The following RHPN2 variants were observed in gnomAD, a reference collection of about 807,000 sequenced individuals.
RHPN2 encodes the protein rhophilin-2.
RHPN2 carries 40 observed loss-of-function variants against 79.0 expected under a neutral mutation model. That is an observed-to-expected ratio of 0.51 (90% confidence interval 0.39 to 0.66). The LOEUF (loss-of-function observed/expected upper bound fraction) is 0.66. RHPN2 is among the 30% of genes least tolerant of loss of function. The pLI is 0.00. For missense variants in RHPN2, 686 were observed against 883.5 expected (o/e 0.78, Z 2.83); for synonymous variants, 285 against 363.5 (o/e 0.78, Z 2.46).
chr19:32,992,194 TATTA>T (rs1242165539), intron 12 of RHPN2: 2 of 566,586 alleles, frequency 3.5e-6, no homozygotes, highest in Admixed American at 3.1e-5. Context: ...TTAGGCATTG[TATTA>T]ATTATCTTTT....
Position 32,996,082 on chromosome 19 carries a change from G to A in RHPN2, c.1364C>T (p.Ala455Val), listed in dbSNP as rs756889007. 1 of 1,613,984 alleles carries A rather than the reference G, an allele frequency of 6.2e-7. No homozygotes were observed. Among genetic ancestry groups the A allele is most frequent in the South Asian group, 1.1e-5 (1 of 91,074 alleles). The change falls in exon 11 of 15, where the codon GCC becomes GTC. Residue 455 changes from alanine to valine, a missense_variant. Ala to Val is a moderately conservative substitution (Grantham distance 64, BLOSUM62 0). Coordinates refer to ENST00000254260, the MANE Select transcript of RHPN2 (RefSeq NM_033103.5). ...AAQERSRLTY[A>V]QHQEEDDLLN... Reference sequence around the variant, plus strand: ...CAGGTCATCCTCCTCCTGGTGCTGGGCGTACGTGAGCCGGGAGCGTTCCTG... The same window carrying A: ...CAGGTCATCCTCCTCCTGGTGCTGGACGTACGTGAGCCGGGAGCGTTCCTG...
intron 4 of RHPN2, among the ~76,000 whole-genome samples, chr19:33,017,858 T>C (rs540943767): frequency 1.3e-5 from 2 of 151,860 alleles, no homozygotes; most frequent in African/African-American, 4.8e-5. Flanking sequence ...CTGTCTCTAC[T>C]AAAAATACAA....
chr19:33,031,250 A>ATTCTG, intron 2 of RHPN2, among the ~76,000 whole-genome samples: 1 of 150,798 alleles, frequency 6.6e-6, no homozygotes, highest in African/African-American at 2.4e-5. Context: ...ATTCTATTCT[A>ATTCTG]TTCTACTCTA....
chr19:33,008,077 G>A lies in RHPN2; in HGVS notation c.697C>T (p.Arg233Trp), dbSNP rs557723953. 1.2e-5 allele frequency: 19 copies of A among 1,613,638 alleles called. No homozygotes were observed. Among genetic ancestry groups the A allele is most frequent in the East Asian group, 1.1e-4 (5 of 44,846 alleles). ...TGALYTQIGT[R>W]CDRQTQAGLE... is the part of the protein sequence containing the mutation. ...CCAGCCTGCGTCTGCCGATCACACC[G>A]GGTCCCAATCTGGGTGTAGAGGGCC... The change falls in exon 7 of 15, where the codon CGG becomes TGG. Residue 233 changes from arginine (R) to tryptophan (W), a missense_variant. Arg to Trp is a moderately radical substitution (Grantham distance 101). Coordinates refer to ENST00000254260, the MANE Select transcript of RHPN2 (RefSeq NM_033103.5).
chr19:33,055,632 G>A (rs1379113354), intron 1 of RHPN2, among the ~76,000 whole-genome samples: 1 of 151,328 alleles, frequency 6.6e-6, no homozygotes, highest in Non-Finnish European at 1.5e-5. Context: ...GCACACAAGT[G>A]TCTAACACGA....
chr19:32,998,282 GGC>G (rs1203307728), intron 10 of RHPN2, among the ~76,000 whole-genome samples: 1 of 152,164 alleles, frequency 6.6e-6, no homozygotes, highest in Non-Finnish European at 1.5e-5. Flanking sequence ...GGATTAAAGT[GGC>G]CAGATTTGAG....
chr19:33,031,740 G>A (rs1972013754), intron 2 of RHPN2, among the ~76,000 whole-genome samples: 1 of 152,024 alleles, frequency 6.6e-6, no homozygotes, highest in African/African-American at 2.4e-5. Context: ...GGAGTGCAGT[G>A]GCGTGATCTT....
chr19:33,063,263 A>G (rs1972297143), intron 1 of RHPN2, among the ~76,000 whole-genome samples: 1 of 148,826 alleles, frequency 6.7e-6, no homozygotes, highest in Admixed American at 7.1e-5. Context: ...ATATACCTCA[A>G]AACTACTTTT....
chr19:32,981,602 C>A (rs551446106), intron 14 of RHPN2, among the ~76,000 whole-genome samples: 8 of 151,236 alleles, frequency 5.3e-5, no homozygotes, highest in Admixed American at 2.0e-4. Flanking sequence ...AGATGATGTA[C>A]AAGTATTTCT....
At chr19:33,033,853 G>A (rs1035707484) in intron 2 of RHPN2, among the ~76,000 whole-genome samples, 3 of 151,972 alleles carry the variant, frequency 2.0e-5, no homozygotes, top group Admixed American at 1.3e-4. Flanking sequence ...GGCAACAAGA[G>A]CGAAACTCCG....
At chr19:32,991,533 G>A (rs1330263895) in intron 13 of RHPN2, 1 of 411,354 alleles carries the variant, frequency 2.4e-6, no homozygotes, top group Admixed American at 3.8e-5. Flanking sequence ...TCAGGAAGCT[G>A]AGACAGGAGA....
intron 9 of RHPN2, among the ~76,000 whole-genome samples, chr19:33,000,544 G>A (rs965490856): frequency 1.3e-5 from 2 of 151,904 alleles, no homozygotes; most frequent in African/African-American, 4.8e-5. Flanking sequence ...GCCCCCACAC[G>A]CTACCTCCTC....
intron 1 of RHPN2, among the ~76,000 whole-genome samples, chr19:33,064,095 G>A (rs1019963082): frequency 2.0e-5 from 3 of 152,160 alleles, no homozygotes; most frequent in African/African-American, 7.2e-5. Flanking sequence ...TGTAATCCCA[G>A]CACTTTGAGA....
chr19:33,026,422 T>C (rs1971967158), intron 3 of RHPN2, 82 bp downstream of exon 3: 2 of 1,564,406 alleles, frequency 1.3e-6, no homozygotes, highest in Middle Eastern at 1.9e-4. Context: ...TAGAACGCTA[T>C]CTGACCTCTT....
chr19:33,062,476 A>C (rs1301272180), intron 1 of RHPN2, among the ~76,000 whole-genome samples: 1 of 150,644 alleles, frequency 6.6e-6, no homozygotes, highest in Admixed American at 6.6e-5. Context: ...GGAAAAAAAA[A>C]AAAACACCTG....
intron 3 of RHPN2, among the ~76,000 whole-genome samples, chr19:33,024,123 G>A (rs532467540): frequency 1.1e-4 from 16 of 152,250 alleles, no homozygotes; most frequent in South Asian, 6.2e-4. Context: ...ATTAGCTGTC[G>A]CACTGACTGG....
intron 1 of RHPN2, among the ~76,000 whole-genome samples, chr19:33,054,197 G>GT (rs34820019): frequency 0.02 from 2,244 of 112,196 alleles, 56 homozygotes; most frequent in African/African-American, 0.054. Context: ...TTTCTTCTTT[G>GT]TTTTTTTTTT....
In RHPN2 at chr19:33,064,848, G is replaced by A; in HGVS notation, c.5C>T (p.Thr2Ile). ...GGGGGCCGCGGGCAACAGCGCGTCGGTCATGCTAGCGGCGCGGGCGCGGAG... is the reference window on the plus strand; with the variant it reads ...GGGGGCCGCGGGCAACAGCGCGTCGATCATGCTAGCGGCGCGGGCGCGGAG... M[T>I]DALLPAAPQP... The change falls in exon 1 of 15, where the codon ACC (threonine) becomes ATC (isoleucine). Residue 2 changes from threonine to isoleucine, a missense_variant. Thr to Ile is a moderately conservative substitution (Grantham distance 89). Transcript: ENST00000254260. 2 of 1,512,892 alleles carry A rather than the reference G, an allele frequency of 1.3e-6. No homozygotes were observed. The highest frequency in any genetic ancestry group is 2.6e-5 in the East Asian group (1 of 38,444). The allele number at this position is 1,512,892 out of a possible 1,614,324, so 93.7% of individuals were successfully genotyped here. A position where few individuals can be genotyped will look rare whatever the true frequency, so the allele number is the denominator to read the frequency against.
At chr19:33,062,443 C>A (rs1197933236) in intron 1 of RHPN2, among the ~76,000 whole-genome samples, 2 of 149,880 alleles carry the variant, frequency 1.3e-5, no homozygotes, top group Non-Finnish European at 3.0e-5. Context: ...GCCTGGGTGA[C>A]AGAGCGAGAC....
Sources: gnomAD v4.1 joint callset for allele counts (sites outside exome capture counted in the v4.1 genomes callset) on GRCh38, gnomAD v4.1.1 for gene constraint, MANE v1.5 for transcripts, NCBI Gene and HGNC (gene_info 2026-07-23, HGNC 2026-07-21) for gene names.